Variants in CHD7 observed in about 807,000 individuals in gnomAD.
CHD7 encodes the protein ATP-dependent chromatin remodeler CHD7.
CHD7 carries 24 observed loss-of-function variants against 307.3 expected under a neutral mutation model. The observed-to-expected ratio is 0.08, with a 90% CI of 0.06 to 0.11. CHD7 has a LOEUF of 0.11. Among genes scored for constraint, CHD7 ranks in the 10% least tolerant of loss-of-function variants. CHD7 has a pLI of 1.00. For missense variants in CHD7, 3,106 were observed against 3,727.1 expected (o/e 0.83, Z 4.34); for synonymous variants, 1,363 against 1,349.9 (o/e 1.01, Z -0.21).
intron 1 of CHD7, among the ~76,000 whole-genome samples, chr8:60,718,570 AAG>A (rs567652833): frequency 8.5e-4 from 129 of 152,342 alleles, no homozygotes; most frequent in South Asian, 2.9e-3. Flanking sequence ...GATATAAAGA[AAG>A]AAAATACTTT....
chr8:60,776,658 A>G (rs1048409981), intron 2 of CHD7, among the ~76,000 whole-genome samples: 2 of 152,210 alleles, frequency 1.3e-5, no homozygotes, highest in Non-Finnish European at 1.5e-5. Context: ...AAATATATGA[A>G]TTGGGTACTA....
rs2150752380 is a variant in CHD7, at chr8:60,823,856, G to A, written c.3218G>A (p.Gly1073Glu). The change falls in exon 13 of 38, where the codon GGG becomes GAG. Residue 1073 changes from glycine to glutamate, a missense_variant. By Grantham distance (98) the Gly-to-Glu change is moderately conservative. Around this residue, in one of 10 missense-constraint regions of CHD7, gnomAD observed 232 missense variants for 422.5 expected, o/e 0.55. Coordinates refer to ENST00000423902, the MANE Select transcript of CHD7 (RefSeq NM_017780.4). ...FKDPQGRVIK[G>E]SYKFHAIITT... Reference sequence around the variant, plus strand: ...TTCTTATAGGGTCGAGTGATAAAGGGGTCCTATAAGTTTCATGCCATCATC... The same window carrying A: ...TTCTTATAGGGTCGAGTGATAAAGGAGTCCTATAAGTTTCATGCCATCATC... 6.2e-7 allele frequency: 1 copy of A among 1,613,600 alleles called. No homozygotes were observed.
intron 1 of CHD7, among the ~76,000 whole-genome samples, chr8:60,699,068 A>G (rs188766206): frequency 6.6e-6 from 1 of 152,238 alleles, no homozygotes; most frequent in Non-Finnish European, 1.5e-5. Flanking sequence ...TCAAATAAAC[A>G]TGGTACATAA....
In CHD7 at chr8:60,853,106, A is replaced by C. The variant is rs1181483398; in HGVS notation, c.6381A>C (p.Ala2127=). ...LNDPELSFLD[A]HKNFAQNRGA... is the part of the protein sequence containing the mutation. Reference sequence around the variant, plus strand: ...ACCCTGAGTTATCCTTCTTGGATGCACATAAAAACTTTGCTCAAAACAGAG... The same window carrying C: ...ACCCTGAGTTATCCTTCTTGGATGCCCATAAAAACTTTGCTCAAAACAGAG... The change falls in exon 31 of 38, where the codon GCA becomes GCC. Residue 2127 remains alanine (A), a synonymous_variant. Transcript: ENST00000423902. 3 of 1,613,992 alleles carry C rather than the reference A, an allele frequency of 1.9e-6. No homozygotes were observed. The highest frequency in any genetic ancestry group is 2.5e-6 in the Non-Finnish European group (3 of 1,179,890).
rs758898311 is a variant in CHD7, at chr8:60,865,225, G to T, written c.8286G>T (p.Gln2762His). The part of the protein sequence containing the change: ...GMDLTSLQNL[Q>H]NLQSLQLAGL... Reference sequence around the variant, plus strand: ...ACCTGACGAGCCTTCAGAATCTCCAGAATCTCCAGTCGCTCCAGCTGGCAG... The same window carrying T: ...ACCTGACGAGCCTTCAGAATCTCCATAATCTCCAGTCGCTCCAGCTGGCAG... The change falls in exon 38 of 38, where the codon CAG becomes CAT. Residue 2762 changes from glutamine to histidine, a missense_variant. Gln to His is a conservative substitution (Grantham distance 24). Transcript: ENST00000423902. The surrounding 1 kb of genome is among the most constrained non-coding windows in gnomAD (Gnocchi z 4.3). The T allele has an allele frequency of 6.2e-7, 1 of 1,609,820 alleles. No individual in the cohort carries two copies. The highest frequency in any genetic ancestry group is 8.5e-7 in the Non-Finnish European group (1 of 1,178,108).
intron 1 of CHD7, among the ~76,000 whole-genome samples, chr8:60,701,306 A>G (rs1806749230): frequency 6.6e-6 from 1 of 152,238 alleles, no homozygotes; most frequent in Non-Finnish European, 1.5e-5. Flanking sequence ...TTTCAGTCAC[A>G]TGGATTCATT....
At chr8:60,824,550 T>C (rs1011764742) in intron 13 of CHD7, 2 of 153,940 alleles carry the variant, frequency 1.3e-5, no homozygotes, top group African/African-American at 4.8e-5. Context: ...GGCCAAGCTT[T>C]ACTTCAGTGA....
chr8:60,776,903 A>G (rs1252640971), intron 2 of CHD7, among the ~76,000 whole-genome samples: 1 of 152,196 alleles, frequency 6.6e-6, no homozygotes, highest in Non-Finnish European at 1.5e-5. Flanking sequence ...CTCCAAAGCC[A>G]TTTTTAAGAT....
chr8:60,861,162 G>A, intron 35 of CHD7, 37 bp downstream of exon 35: 1 of 1,485,148 alleles, frequency 6.7e-7, no homozygotes, highest in Non-Finnish European at 9.2e-7. Flanking sequence ...AAGGAATCTT[G>A]CAGGCCGGTC....
rs764518030 is a variant in CHD7, at chr8:60,781,030, C to G, written c.1696C>G (p.Pro566Ala). 28 of 1,581,550 alleles carry G rather than the reference C, an allele frequency of 1.8e-5. No individual in the cohort carries two copies. In the Middle Eastern group the frequency reaches 5.1e-4, roughly 29 times the overall value. Residue 566 changes from proline (P) to alanine (A), a missense_variant, in exon 3 of 38, where the codon CCA becomes GCA. By Grantham distance (27) the Pro-to-Ala change is conservative. Transcript: ENST00000423902. ...CCCGTCGGAGCCCTTTCTAGAGAAA[C>G]CAGTGCCGGATATGACTCAGGTTAG... ...HSPSEPFLEK[P>A]VPDMTQVSGP...
intron 1 of CHD7, among the ~76,000 whole-genome samples, chr8:60,698,770 T>G (rs114009216): frequency 1.7e-3 from 266 of 152,308 alleles, no homozygotes; most frequent in African/African-American, 5.9e-3. Context: ...GACTTGACTT[T>G]TCTTCTCTTC....
intron 37 of CHD7, 28 bp from the exon 38 acceptor site, chr8:60,864,988 G>T (rs771740964): frequency 1.3e-6 from 2 of 1,555,090 alleles, no homozygotes; most frequent in Non-Finnish European, 1.7e-6. Context: ...AGCCTTTATA[G>T]CCACTGTTTG....
chr8:60,846,577 A>G (rs1805219105), intron 23 of CHD7, among the ~76,000 whole-genome samples: 1 of 152,178 alleles, frequency 6.6e-6, no homozygotes, highest in Non-Finnish European at 1.5e-5. Flanking sequence ...CCTCTTGAGG[A>G]CTCACTTTCC....
intron 4 of CHD7, among the ~76,000 whole-genome samples, chr8:60,798,932 CAG>C (rs201654696): frequency 0.019 from 2,884 of 152,252 alleles, 45 homozygotes; most frequent in Non-Finnish European, 0.026. Context: ...TTACTCTGAA[CAG>C]AGTTCAGAAC....
intron 2 of CHD7, among the ~76,000 whole-genome samples, chr8:60,770,996 G>A (rs1048670818): frequency 6.6e-6 from 1 of 152,168 alleles, no homozygotes; most frequent in South Asian, 2.1e-4. Context: ...AGCTTTTTGT[G>A]ATGTGCAGCA....
At chr8:60,684,652 G>T (rs560205248) in intron 1 of CHD7, among the ~76,000 whole-genome samples, 133 of 152,256 alleles carry the variant, frequency 8.7e-4, no homozygotes, top group African/African-American at 3.1e-3. Flanking sequence ...GAGGCTGTGT[G>T]TTTGAGGCAT....
Position 60,816,456 on chromosome 8 carries a change from T to A in CHD7, c.2568T>A (p.Ile856=). ...AAGATAAGAGAATTCAGCAAAAAAT[T>A]AAACGATTTAAGGCAAAGCAGGGCC... ...LEKDKRIQQK[I]KRFKAKQGQN... Residue 856 remains isoleucine, a synonymous_variant, in exon 8 of 38, where the codon ATT becomes ATA. Coordinates refer to ENST00000423902, the MANE Select transcript of CHD7 (RefSeq NM_017780.4). The A allele has an allele frequency of 6.2e-7, 1 of 1,610,080 alleles. No individual in the cohort carries two copies. Among genetic ancestry groups the A allele is most frequent in the Non-Finnish European group, 8.5e-7 (1 of 1,177,960 alleles).
chr8:60,689,774 C>G (rs1167596035), intron 1 of CHD7, among the ~76,000 whole-genome samples: 3 of 152,248 alleles, frequency 2.0e-5, no homozygotes, highest in Admixed American at 2.0e-4. Context: ...AAGACACATG[C>G]TCATTACAAG....
chr8:60,693,856 C>T (rs6995545), intron 1 of CHD7, among the ~76,000 whole-genome samples: 124,874 of 152,306 alleles, frequency 0.82, 51,511 homozygotes, highest in East Asian at 0.94. Context: ...GGAGGAGCTG[C>T]TTTCTCCTGT....
Sources: gnomAD v4.1 joint callset for allele counts (sites outside exome capture counted in the v4.1 genomes callset) on GRCh38, gnomAD v4.1.1 for gene constraint, gnomAD v4.1.1 regional missense constraint, Gnocchi (gnomAD v3.1) non-coding constraint, MANE v1.5 for transcripts, NCBI Gene and HGNC (gene_info 2026-07-23, HGNC 2026-07-21) for gene names.